Variants in ZNF362 observed in about 807,000 individuals in gnomAD.
ZNF362 encodes the protein zinc finger protein 362, also known as rotund homolog.
A neutral mutation model predicts 42.9 loss-of-function variants in ZNF362; 11 were observed. The ratio of observed to expected loss-of-function variants is 0.26; its 90% CI spans 0.16 to 0.42. The LOEUF (loss-of-function observed/expected upper bound fraction) is 0.42. Among genes scored for constraint, ZNF362 ranks in the 20% least tolerant of loss-of-function variants. The probability of loss-of-function intolerance (pLI) is 1.00; values close to 1 mark genes in which losing one functional copy is unlikely to be tolerated. For synonymous variants in ZNF362, 255 were observed against 257.3 expected, an observed-to-expected ratio of 0.99 and a Z score of 0.09; for missense variants, 362 against 576.2, an observed-to-expected ratio of 0.63 and a Z score of 3.81.
chr1:33,280,280 G>C lies in ZNF362; in HGVS notation c.506G>C (p.Ser169Thr). The change falls in exon 5 of 9, where the codon AGC becomes ACC. Residue 169 changes from serine (S) to threonine (T), a missense_variant. Around this residue, in one of 3 missense-constraint regions of ZNF362, gnomAD observed 266 missense variants for 365.4 expected, o/e 0.73. Transcript: ENST00000539719. The surrounding 1 kb of genome is among the most constrained non-coding windows in gnomAD (Gnocchi z 5.6). ...SSPTLISGITSPPLLDSIKTI... is the reference protein window; with the variant it reads ...SSPTLISGITTPPLLDSIKTI... The stretch of plus-strand genomic sequence containing the variant: ...CCCACCCTCATCTCAGGGATCACCA[G>C]CCCCCCTCTCCTGGACTCCATCAAG... The C allele has an allele frequency of 6.2e-7, 1 of 1,613,910 alleles. No homozygotes were observed. The highest frequency in any genetic ancestry group is 8.5e-7 in the Non-Finnish European group (1 of 1,179,880).
the ZNF362 span, among the ~76,000 whole-genome samples, chr1:33,161,510 C>T: frequency 1.3e-5 from 2 of 152,184 alleles, no homozygotes; most frequent in African/African-American, 4.8e-5. This position sits in a 1 kb window ranked among gnomAD's most constrained non-coding sequence, Gnocchi z 4.3. Context: ...CCCCGACGCG[C>T]GGCTGCTGGC....
At chr1:33,277,371 C>G (rs918270603) in intron 4 of ZNF362, among the ~76,000 whole-genome samples, 2 of 152,234 alleles carry the variant, frequency 1.3e-5, no homozygotes, top group Non-Finnish European at 2.9e-5. Flanking sequence ...TATCTTCACT[C>G]TGTTTTGATG....
the ZNF362 span, among the ~76,000 whole-genome samples, chr1:33,237,042 G>A: frequency 1.3e-5 from 2 of 152,098 alleles, no homozygotes; most frequent in Admixed American, 6.5e-5. Context: ...TTGCACTCCA[G>A]CCTGGGCACA....
Position 33,266,363 on chromosome 1 carries a change from G to A in ZNF362, c.-88-4124G>A, listed in dbSNP as rs1439042522. ...CTAGGCACTTGAGGCCCTACTGCAT[G>A]GCTGGCGCTGGGCTCTGGGGCTGCA... On this transcript the variant is annotated intron_variant, in intron 1 of 8. Transcript: ENST00000539719. This position sits in a 1 kb window ranked among gnomAD's most constrained non-coding sequence, Gnocchi z 4.3. Among the ~76,000 whole-genome samples, 7 of 152,230 alleles carry A rather than the reference G, an allele frequency of 4.6e-5. No homozygotes were observed. Among genetic ancestry groups the A allele is most frequent in the African/African-American group, 1.4e-4 (6 of 41,454 alleles).
chr1:33,247,971 A>G, the ZNF362 span, among the ~76,000 whole-genome samples: 4 of 152,226 alleles, frequency 2.6e-5, no homozygotes, highest in Non-Finnish European at 4.4e-5. Flanking sequence ...AAGTCCAGCA[A>G]GGTGCCTTGC....
intron 1 of ZNF362, among the ~76,000 whole-genome samples, chr1:33,257,312 A>G (rs1273191117): frequency 5.3e-5 from 8 of 150,294 alleles, no homozygotes; most frequent in African/African-American, 2.0e-4. Flanking sequence ...ATGCAATTGC[A>G]CTTTAAAGAA....
At chr1:33,169,247 C>T in the ZNF362 span, among the ~76,000 whole-genome samples, 1 of 152,144 alleles carries the variant, frequency 6.6e-6, no homozygotes, top group African/African-American at 2.4e-5. Flanking sequence ...CCATATTCCC[C>T]ATCTCAGTGA....
the ZNF362 span, among the ~76,000 whole-genome samples, chr1:33,170,903 C>T: frequency 6.6e-6 from 1 of 152,194 alleles, no homozygotes; most frequent in African/African-American, 2.4e-5. Flanking sequence ...TTCAGCCTCA[C>T]AGGGCACAGA....
the ZNF362 span, among the ~76,000 whole-genome samples, chr1:33,227,814 G>T: frequency 1.3e-5 from 2 of 152,006 alleles, no homozygotes; most frequent in African/African-American, 2.4e-5. Flanking sequence ...TCATTCAGGT[G>T]CCCTAGAGAA....
rs1428308155 is a variant in ZNF362 at position 33,294,252 on chromosome 1, T to C, written c.909-685T>C. ...TCACAAAGCCCGATGAGATAGGAACTGTATTTTTATACCCATTTTGCAGAT... is the reference window on the plus strand; with the variant it reads ...TCACAAAGCCCGATGAGATAGGAACCGTATTTTTATACCCATTTTGCAGAT... On this transcript the variant is annotated intron_variant, in intron 6 of 8. Transcript: ENST00000539719. The surrounding 1 kb of genome is among the most constrained non-coding windows in gnomAD (Gnocchi z 4.2). Among the ~76,000 whole-genome samples, 1 of 152,222 alleles carries C rather than the reference T, an allele frequency of 6.6e-6. No individual in the cohort carries two copies. The highest frequency in any genetic ancestry group is 1.9e-4 in the East Asian group (1 of 5,192).
intron 4 of ZNF362, among the ~76,000 whole-genome samples, chr1:33,278,671 A>G (rs1645968588): frequency 6.6e-6 from 1 of 152,210 alleles, no homozygotes; most frequent in South Asian, 2.1e-4. Flanking sequence ...TTACATGCAC[A>G]TATATCTTGT....
At chr1:33,181,131 A>G in the ZNF362 span, 1 of 1,600,858 alleles carries the variant, frequency 6.2e-7, no homozygotes, top group African/African-American at 1.3e-5. The surrounding 1 kb of genome is among the most constrained non-coding windows in gnomAD (Gnocchi z 6.5). Context: ...GAGGCAGAAG[A>G]GCTTGACCTT....
chr1:33,134,376 G>A, the ZNF362 span, among the ~76,000 whole-genome samples: 1 of 152,336 alleles, frequency 6.6e-6, no homozygotes, highest in Admixed American at 6.5e-5. Context: ...ATTAAGTGCA[G>A]GTGGACTCTT....
At chr1:33,230,093 C>T in the ZNF362 span, among the ~76,000 whole-genome samples, 1 of 151,890 alleles carries the variant, frequency 6.6e-6, no homozygotes, top group Non-Finnish European at 1.5e-5. Context: ...GATTAATGCC[C>T]TATTTTGAAA....
rs1184705654 is a variant in ZNF362 at position 33,281,556 on chromosome 1, T to A, written c.684-31T>A. 5 of 1,610,288 alleles carry A rather than the reference T, an allele frequency of 3.1e-6. No individual in the cohort carries two copies. The highest frequency in any genetic ancestry group is 1.3e-5 in the African/African-American group (1 of 74,976). ...CCTGAGATGGACAGTCTGGGGGATCTTCCCACGTGAACCTGTCTCTTGCTC... is the reference window on the plus strand; with the variant it reads ...CCTGAGATGGACAGTCTGGGGGATCATCCCACGTGAACCTGTCTCTTGCTC... On this transcript the variant is annotated intron_variant, in intron 5 of 8. Transcript: ENST00000539719. This position sits in a 1 kb window ranked among gnomAD's most constrained non-coding sequence, Gnocchi z 4.8.
the ZNF362 span, among the ~76,000 whole-genome samples, chr1:33,143,576 C>T: frequency 6.6e-6 from 1 of 152,184 alleles, no homozygotes; most frequent in Non-Finnish European, 1.5e-5. Flanking sequence ...CCTCTCCCAT[C>T]CTCGTTCTCA....
chr1:33,207,975 CT>C, the ZNF362 span, among the ~76,000 whole-genome samples: 1 of 152,132 alleles, frequency 6.6e-6, no homozygotes, highest in African/African-American at 2.4e-5. Context: ...TCTATTTTGG[CT>C]TTTGTTGCCA....
the ZNF362 span, among the ~76,000 whole-genome samples, chr1:33,169,180 C>G: frequency 6.6e-6 from 1 of 152,166 alleles, no homozygotes; most frequent in African/African-American, 2.4e-5. Flanking sequence ...GACACAGACA[C>G]TTACATCATG....
chr1:33,200,099 G>C, the ZNF362 span: 1 of 152,230 alleles, frequency 6.6e-6, no homozygotes, highest in Non-Finnish European at 1.5e-5. Context: ...AAGTCCAGGA[G>C]GGGCTAAGTG....
Sources: allele counts gnomAD v4.1 joint callset (sites outside exome capture counted in the v4.1 genomes callset), GRCh38; gene constraint gnomAD v4.1.1; regional missense constraint gnomAD v4.1.1; non-coding constraint Gnocchi (gnomAD v3.1); transcripts MANE v1.5; gene names NCBI Gene and HGNC (gene_info 2026-07-23, HGNC 2026-07-21).